The following SPICE1 variants were observed in gnomAD, a reference collection of about 807,000 sequenced individuals.
The protein encoded by SPICE1 is spindle and centriole associated protein 1, also known as spindle and centriole-associated protein 1.
SPICE1 carries 75 observed loss-of-function variants against 102.7 expected under a neutral mutation model. That is an observed-to-expected ratio of 0.73 (90% CI 0.61 to 0.88). The LOEUF (loss-of-function observed/expected upper bound fraction) is 0.88. SPICE1 is among the 40% of genes least tolerant of loss of function. The pLI is 0.00. For missense variants in SPICE1, 979 were observed against 1,020.1 expected (o/e 0.96, Z 0.55); for synonymous variants, 308 against 350.3 (o/e 0.88, Z 1.35).
chr3:113,471,653 G>T (rs776246648), intron 7 of SPICE1, among the ~76,000 whole-genome samples: 5 of 152,204 alleles, frequency 3.3e-5, no homozygotes, highest in Admixed American at 2.6e-4. Context: ...AACGGGATAC[G>T]CATGGAAGCA....
intron 9 of SPICE1, 109 bp downstream of exon 9, chr3:113,468,653 T>C (rs1936121113): frequency 1.7e-5 from 22 of 1,318,494 alleles, no homozygotes; most frequent in Non-Finnish European, 2.3e-5. Flanking sequence ...AAACTTTCAG[T>C]TGGAACCATG....
chr3:113,514,906 C>A lies in SPICE1; in HGVS notation c.-10G>T. 1 of 1,164,462 alleles carries A rather than the reference C, an allele frequency of 8.6e-7. No individual in the cohort carries two copies. The highest frequency in any genetic ancestry group is 1.6e-5 in the South Asian group (1 of 63,074). 72.1% of individuals were successfully genotyped at this position (1,164,462 alleles called of 1,614,324 possible). On this transcript the variant is annotated 5_prime_UTR_variant, in exon 1 of 18. Coordinates refer to ENST00000295872, the MANE Select transcript of SPICE1 (RefSeq NM_144718.4). ...GCACCCTGACACGTACTTGCACTCT[C>A]AAAACACAGAGCCGCGGCTGCGCTT... is the stretch of plus-strand genomic sequence containing the variant.
At chr3:113,451,560 T>A (rs1346443493) in intron 14 of SPICE1, among the ~76,000 whole-genome samples, 2 of 152,166 alleles carry the variant, frequency 1.3e-5, no homozygotes, top group African/African-American at 4.8e-5. Flanking sequence ...ACAGAAATAT[T>A]AGATAGTCCC....
intron 1 of SPICE1, chr3:113,514,407 C>T (rs1435023719): frequency 2.9e-6 from 1 of 350,146 alleles, no homozygotes; most frequent in Non-Finnish European, 5.7e-6. Flanking sequence ...GAACCCTTTA[C>T]CTACTTCCTC....
intron 13 of SPICE1, among the ~76,000 whole-genome samples, chr3:113,455,208 G>T (rs1043394072): frequency 1.3e-5 from 2 of 151,958 alleles, no homozygotes; most frequent in Admixed American, 6.6e-5. Flanking sequence ...ATATGAATTC[G>T]AATGAACGCT....
At chr3:113,457,536 C>A (rs1257584607) in intron 12 of SPICE1, among the ~76,000 whole-genome samples, 179 bp from the exon 13 acceptor site, 2 of 152,094 alleles carry the variant, frequency 1.3e-5, no homozygotes, top group Non-Finnish European at 2.9e-5. Flanking sequence ...TGGGCAGGCT[C>A]CTGGGGGGCT....
rs757799500 is a variant in SPICE1 at position 113,494,148 on chromosome 3, CAT to C, written c.292-8_292-7del. The C allele has an allele frequency of 7.0e-6, 11 of 1,566,174 alleles. No homozygotes were observed. Among genetic ancestry groups the C allele is most frequent in the Middle Eastern group, 1.7e-4 (1 of 5,988 alleles). On this transcript the variant is annotated splice_region_variant and splice_polypyrimidine_tract_variant and intron_variant, in intron 4 of 17. Transcript: ENST00000295872. ...TGGTATTGATCAGAAAGAATCTAGACATGTGTTAATGACAAATATTATTATTC... is the reference window on the plus strand; with the variant it reads ...TGGTATTGATCAGAAAGAATCTAGACGTGTTAATGACAAATATTATTATTC...
At chr3:113,506,679 ACCTG>A in intron 1 of SPICE1, 74 bp from the exon 2 acceptor site, 1 of 1,139,148 alleles carries the variant, frequency 8.8e-7, no homozygotes, top group Non-Finnish European at 1.2e-6. Context: ...GGGGGAAGAC[ACCTG>A]AAAAAAAAAA....
chr3:113,480,682 A>G (rs1936470064), intron 7 of SPICE1, among the ~76,000 whole-genome samples: 1 of 152,108 alleles, frequency 6.6e-6, no homozygotes, highest in Non-Finnish European at 1.5e-5. Flanking sequence ...AAAACAATCA[A>G]GAAAACAAGA....
chr3:113,493,567 T>C (rs1444127187), intron 5 of SPICE1, among the ~76,000 whole-genome samples: 2 of 152,186 alleles, frequency 1.3e-5, no homozygotes, highest in South Asian at 2.1e-4. Flanking sequence ...ATTAAGTAAC[T>C]AGCCCAGAGT....
intron 7 of SPICE1, among the ~76,000 whole-genome samples, chr3:113,477,778 A>G (rs1189882445): frequency 4.1e-5 from 5 of 121,304 alleles, no homozygotes; most frequent in African/African-American, 1.5e-4. Context: ...ACACTCTGGG[A>G]ACTGTTGTGG....
At chr3:113,503,270 T>C (rs1937044777) in intron 2 of SPICE1, 43 bp from the exon 3 acceptor site, 1 of 1,432,756 alleles carries the variant, frequency 7.0e-7, no homozygotes, top group South Asian at 1.3e-5. Flanking sequence ...AAAAAAAGTT[T>C]TCTTATAAAA....
At chr3:113,458,903 C>A (rs1292073030) in intron 12 of SPICE1, among the ~76,000 whole-genome samples, 1 of 152,058 alleles carries the variant, frequency 6.6e-6, no homozygotes, top group Non-Finnish European at 1.5e-5. Context: ...CGGCCGCCAC[C>A]CCGTCTGGGA....
chr3:113,508,425 A>G (rs1354030339), intron 1 of SPICE1, among the ~76,000 whole-genome samples: 2 of 152,170 alleles, frequency 1.3e-5, no homozygotes, highest in Non-Finnish European at 2.9e-5. Context: ...ACAACTCGAC[A>G]ATTTAAAAAA....
chr3:113,452,649 G>C (rs542069945), intron 14 of SPICE1, among the ~76,000 whole-genome samples: 1 of 149,240 alleles, frequency 6.7e-6, no homozygotes, highest in Non-Finnish European at 1.5e-5. Context: ...GCGTCACTGC[G>C]CTCCAGCCTG....
At chr3:113,476,092 G>A (rs1367189843) in intron 7 of SPICE1, among the ~76,000 whole-genome samples, 2 of 152,018 alleles carry the variant, frequency 1.3e-5, no homozygotes, top group African/African-American at 2.4e-5. Flanking sequence ...CAAAGTCTCA[G>A]GATACAAAAT....
intron 1 of SPICE1, among the ~76,000 whole-genome samples, chr3:113,510,322 TAAACAAAAAGA>T (rs1937194033): frequency 6.6e-6 from 1 of 152,176 alleles, no homozygotes; most frequent in East Asian, 1.9e-4. Context: ...AAGACAATCC[TAAACAAAAAGA>T]ACAAAGTTGG....
At chr3:113,446,440 TA>T (rs1935515032) in intron 17 of SPICE1, 148 bp downstream of exon 17, 1 of 680,306 alleles carries the variant, frequency 1.5e-6, no homozygotes, top group Non-Finnish European at 2.5e-6. Context: ...TTGTTTTTCC[TA>T]AAAAGGTAAA....
chr3:113,508,716 A>G (rs1321828136), intron 1 of SPICE1, among the ~76,000 whole-genome samples: 4 of 152,220 alleles, frequency 2.6e-5, no homozygotes, highest in African/African-American at 9.7e-5. Context: ...AAGAAGCTAA[A>G]CACAGAGTAA....
Sources: allele counts gnomAD v4.1 joint callset (sites outside exome capture counted in the v4.1 genomes callset), GRCh38; gene constraint gnomAD v4.1.1; transcripts MANE v1.5; gene names NCBI Gene and HGNC (gene_info 2026-07-23, HGNC 2026-07-21).